The following SYNJ2 variants were observed in gnomAD, a reference collection of about 807,000 sequenced individuals.
The protein encoded by SYNJ2 is synaptojanin 2.
In SYNJ2, 116 loss-of-function variants were observed where a neutral mutation model predicts 141.3. The observed-to-expected ratio is 0.82, with a 90% CI of 0.71 to 0.96. The LOEUF (loss-of-function observed/expected upper bound fraction) is 0.96, where lower values mean the gene tolerates loss of function less well. Among genes scored for constraint, SYNJ2 ranks in the 40% least tolerant of loss-of-function variants. The pLI is 0.00. For synonymous variants in SYNJ2, 745 were observed against 777.7 expected, an observed-to-expected ratio of 0.96 and a Z score of 0.70; for missense variants, 1,873 against 1,934.8, an observed-to-expected ratio of 0.97 and a Z score of 0.60.
chr6:158,053,162 G>T (rs1780663159), intron 5 of SYNJ2, among the ~76,000 whole-genome samples: 1 of 152,170 alleles, frequency 6.6e-6, no homozygotes, highest in Non-Finnish European at 1.5e-5. Flanking sequence ...CCTACATGAT[G>T]CTGTATCCTT....
intron 17 of SYNJ2, chr6:158,077,575 T>A (rs1270535948): frequency 6.6e-6 from 1 of 150,948 alleles, no homozygotes; most frequent in Admixed American, 6.7e-5. Flanking sequence ...AGTTGTCAAG[T>A]ATGTTTTGAA....
chr6:157,988,000 G>A (rs998815426), intron 1 of SYNJ2, among the ~76,000 whole-genome samples: 5 of 152,354 alleles, frequency 3.3e-5, no homozygotes, highest in South Asian at 2.1e-4. Context: ...CTCTAGCCCC[G>A]GGCAAGAGAG....
chr6:158,077,000 C>CT (rs111687160), intron 17 of SYNJ2, among the ~76,000 whole-genome samples: 1,797 of 144,926 alleles, frequency 0.012, 21 homozygotes, highest in African/African-American at 0.023. Context: ...CTTTTCTTTT[C>CT]TTTTTTTTTT....
chr6:158,037,211 C>A (rs2128340603), intron 4 of SYNJ2, among the ~76,000 whole-genome samples: 1 of 152,206 alleles, frequency 6.6e-6, no homozygotes, highest in South Asian at 2.1e-4. Flanking sequence ...GGACTGCTGT[C>A]TCTTCGAAGT....
chr6:158,091,857 A>G (rs1783478944), intron 25 of SYNJ2, among the ~76,000 whole-genome samples: 1 of 152,114 alleles, frequency 6.6e-6, no homozygotes, highest in Non-Finnish European at 1.5e-5. Flanking sequence ...CACATAGTGT[A>G]CCATCCCCTT....
intron 1 of SYNJ2, among the ~76,000 whole-genome samples, chr6:158,007,261 C>T (rs1453799954): frequency 2.0e-5 from 3 of 152,226 alleles, no homozygotes; most frequent in Non-Finnish European, 4.4e-5. Context: ...AGCCCCCACA[C>T]CCGGCCCCAT....
At chr6:158,039,378 G>A (rs1368247501) in intron 4 of SYNJ2, among the ~76,000 whole-genome samples, 2 of 152,248 alleles carry the variant, frequency 1.3e-5, no homozygotes, top group Admixed American at 6.5e-5. Flanking sequence ...CAGCCTGCAG[G>A]TCCTTGCTGA....
At chr6:157,981,787 A>C, upstream of SYNJ2, 32 of 460,716 alleles carry the variant, frequency 6.9e-5, no homozygotes, top group East Asian at 8.5e-5. The surrounding 1 kb of genome is among the most constrained non-coding windows in gnomAD (Gnocchi z 6.4). Flanking sequence ...CAGGCTGGGG[A>C]GGCGCGAGTG....
chr6:158,060,100 G>A (rs1037457353), intron 7 of SYNJ2, among the ~76,000 whole-genome samples: 4 of 152,236 alleles, frequency 2.6e-5, no homozygotes, highest in African/African-American at 9.6e-5. Context: ...TCAGGAGCAG[G>A]AACTTCGGTG....
Position 158,062,090 on chromosome 6 carries a change from C to T in SYNJ2, c.1053C>T (p.Thr351=). The change falls in exon 8 of 27, where the codon ACC becomes ACT. Residue 351 remains threonine (T), a synonymous_variant. Transcript: ENST00000355585. The part of the protein sequence containing the change: ...AKGGKLEKLE[T]LLRPQLKLHW... ...GTGGGAAGCTAGAGAAATTGGAGAC[C>T]CTCTTGAGGCCACAGTTAAAGCTGC... 6.2e-7 allele frequency: 1 copy of T among 1,614,114 alleles called. No individual in the cohort carries two copies. The highest frequency in any genetic ancestry group is 8.5e-7 in the Non-Finnish European group (1 of 1,180,026).
At chr6:158,019,418 C>A (rs1778640821) in intron 2 of SYNJ2, among the ~76,000 whole-genome samples, 1 of 152,172 alleles carries the variant, frequency 6.6e-6, no homozygotes, top group South Asian at 2.1e-4. Flanking sequence ...AGTGTTTTTT[C>A]CCAGGGCTGT....
chr6:158,039,429 T>C (rs186827020), intron 4 of SYNJ2, among the ~76,000 whole-genome samples: 2 of 152,344 alleles, frequency 1.3e-5, no homozygotes, highest in East Asian at 3.9e-4. Flanking sequence ...CTGCGTGGTC[T>C]GCAGGGGAAC....
At chr6:158,067,754 C>T (rs1486338706) in intron 12 of SYNJ2, 1 of 985,058 alleles carries the variant, frequency 1.0e-6, no homozygotes, top group Non-Finnish European at 1.2e-6. Flanking sequence ...CTTTCTGCCT[C>T]CAAGGGCAGG....
chr6:157,986,473 A>G (rs1583275772), intron 1 of SYNJ2, among the ~76,000 whole-genome samples: 1 of 152,306 alleles, frequency 6.6e-6, no homozygotes, highest in East Asian at 1.9e-4. Flanking sequence ...AGCTGGGACT[A>G]CAGGCATGCA....
At chr6:158,087,520 C>T (rs909901029) in intron 23 of SYNJ2, among the ~76,000 whole-genome samples, 2 of 152,208 alleles carry the variant, frequency 1.3e-5, no homozygotes, top group Admixed American at 1.3e-4. Context: ...CCGTCCAGCC[C>T]TCCCTGATAA....
intron 17 of SYNJ2, 21 bp downstream of exon 17, chr6:158,076,803 C>T (rs1554253821): frequency 1.9e-6 from 3 of 1,594,358 alleles, no homozygotes; most frequent in Non-Finnish European, 2.6e-6. Flanking sequence ...CGTGCCCGTT[C>T]GAGAGTCGGC....
chr6:158,095,206 T>C (rs1193715032), intron 26 of SYNJ2, among the ~76,000 whole-genome samples: 1 of 152,084 alleles, frequency 6.6e-6, no homozygotes, highest in Non-Finnish European at 1.5e-5. Context: ...AGTTAGCTTA[T>C]GTTGTAACAC....
chr6:158,059,866 A>C lies in SYNJ2; in HGVS notation c.954+513A>C, dbSNP rs184266627. Among the ~76,000 whole-genome samples, 749 of 152,240 alleles carry C rather than the reference A, an allele frequency of 4.9e-3. 5 individuals are homozygous for C. The highest frequency in any genetic ancestry group is 0.017 in the African/African-American group (710 of 41,540). ...CACCGCGCCCGGCCTAGTGAGTGTA[A>C]TTTCTGTGAGCTGATGGTTGGGAGA... is the stretch of plus-strand genomic sequence containing the variant. On this transcript the variant is annotated intron_variant, in intron 7 of 26. Coordinates refer to ENST00000355585, the MANE Select transcript of SYNJ2 (RefSeq NM_003898.4).
intron 1 of SYNJ2, among the ~76,000 whole-genome samples, chr6:158,003,012 G>A (rs563890712): frequency 3.0e-4 from 45 of 152,368 alleles, no homozygotes; most frequent in African/African-American, 1.0e-3. Context: ...ACAGCTCAGT[G>A]CAGGGAGGGG....
Sources: gnomAD v4.1 joint callset for allele counts (sites outside exome capture counted in the v4.1 genomes callset) on GRCh38, gnomAD v4.1.1 for gene constraint, Gnocchi (gnomAD v3.1) non-coding constraint, MANE v1.5 for transcripts, NCBI Gene and HGNC (gene_info 2026-07-23, HGNC 2026-07-21) for gene names.